The following DNAH14 variants were observed in gnomAD, a reference collection of about 807,000 sequenced individuals.
The protein encoded by DNAH14 is axonemal beta dynein heavy chain 14.
In DNAH14, 478 loss-of-function variants were observed where a neutral mutation model predicts 520.9. The observed-to-expected ratio is 0.92, with a 90% confidence interval of 0.85 to 0.99. The LOEUF is 0.99. Among genes scored for constraint, DNAH14 ranks in the 50% least tolerant of loss-of-function variants. DNAH14 has a pLI of 0.00. For missense variants in DNAH14, 4,831 were observed against 5,234.5 expected (o/e 0.92, Z 2.38); for synonymous variants, 1,581 against 1,757.2 (o/e 0.90, Z 2.51).
intron 11 of DNAH14, among the ~76,000 whole-genome samples, chr1:225,034,890 G>A (rs1393829234): frequency 6.6e-6 from 1 of 152,004 alleles, no homozygotes; most frequent in Non-Finnish European, 1.5e-5. Context: ...TCTGATGGTT[G>A]TTTTTATTTC....
At chr1:225,205,368 A>G (rs989366529) in intron 39 of DNAH14, among the ~76,000 whole-genome samples, 3 of 152,160 alleles carry the variant, frequency 2.0e-5, no homozygotes, top group African/African-American at 4.8e-5. Context: ...CCATCTGTCA[A>G]CCACGAAGAT....
chr1:225,157,240 G>A (rs2081132698), intron 34 of DNAH14, among the ~76,000 whole-genome samples: 4 of 152,012 alleles, frequency 2.6e-5, no homozygotes, highest in Admixed American at 2.6e-4. Flanking sequence ...GATTTTCTTG[G>A]CAACATCTAG....
intron 74 of DNAH14, 64 bp downstream of exon 74, chr1:225,358,716 T>G: frequency 1.4e-6 from 2 of 1,470,562 alleles, no homozygotes; most frequent in South Asian, 2.7e-5. Context: ...CACCCAAATC[T>G]TACCTTGAAT....
chr1:225,125,304 C>T (rs1050833662), intron 27 of DNAH14, among the ~76,000 whole-genome samples: 1 of 152,202 alleles, frequency 6.6e-6, no homozygotes, highest in African/African-American at 2.4e-5. Flanking sequence ...ATTGACTTCT[C>T]TCCAACTACA....
chr1:225,335,276 T>G (rs59360310), intron 66 of DNAH14, among the ~76,000 whole-genome samples: 1 of 91,966 alleles, frequency 1.1e-5, no homozygotes, highest in Non-Finnish European at 2.3e-5. Flanking sequence ...ACGTGTACAT[T>G]GTGTGTATAT....
intron 42 of DNAH14, among the ~76,000 whole-genome samples, chr1:225,236,385 G>A (rs1386891435): frequency 1.3e-5 from 2 of 152,178 alleles, no homozygotes; most frequent in Non-Finnish European, 2.9e-5. Context: ...GCTGTCATCT[G>A]AGAGACTGTT....
At position 224,952,775 on chromosome 1, in the gene DNAH14, C is replaced by G; in HGVS notation, c.73C>G (p.Pro25Ala). Residue 25 changes from proline to alanine, a missense_variant, in exon 2 of 86, where the codon CCA becomes GCA. Physicochemically the swap from Pro to Ala is conservative, Grantham distance 27. Coordinates refer to ENST00000682510, the MANE Select transcript of DNAH14 (RefSeq NM_001367479.1). ...EMDKEETKTK[P>A]RLLRYEEKKY... ...GGACAAGGAGGAAACCAAGACAAAA[C>G]CAAGGTAAAAGTAAGATAAAATATA... 2 of 1,592,580 alleles carry G rather than the reference C, an allele frequency of 1.3e-6. No individual in the cohort carries two copies. Among genetic ancestry groups the G allele is most frequent in the Non-Finnish European group, 1.7e-6 (2 of 1,168,618 alleles).
At position 225,207,123 on chromosome 1, in the gene DNAH14, G is replaced by A. The variant is rs1378006007; in HGVS notation, c.6342G>A (p.Gln2114=). ...TTATAAGGAATCGTCAGAAATTTCA[G>A]CCATATCCTATGGAGGACATAACAG... ...LQFIRNRQKF[Q]PYPMEDITVV... The change falls in exon 41 of 86, where the codon CAG becomes CAA. Residue 2114 remains glutamine, a synonymous_variant. Transcript: ENST00000682510. The A allele has an allele frequency of 6.4e-7, 1 of 1,551,056 alleles. No individual in the cohort carries two copies. Among genetic ancestry groups the A allele is most frequent in the Non-Finnish European group, 8.7e-7 (1 of 1,146,630 alleles).
intron 77 of DNAH14, among the ~76,000 whole-genome samples, chr1:225,373,567 A>G (rs1045825166): frequency 2.6e-5 from 4 of 152,034 alleles, no homozygotes; most frequent in Non-Finnish European, 4.4e-5. Flanking sequence ...GGAGAGGAGA[A>G]GCGAAGGAAG....
chr1:225,213,871 C>A (rs1160926112), intron 41 of DNAH14, among the ~76,000 whole-genome samples: 1 of 152,154 alleles, frequency 6.6e-6, no homozygotes, highest in African/African-American at 2.4e-5. Flanking sequence ...AATTTGACTT[C>A]CTCTTTTCCT....
intron 31 of DNAH14, 93 bp downstream of exon 31, chr1:225,147,342 G>A: frequency 2.3e-6 from 3 of 1,292,114 alleles, no homozygotes; most frequent in African/African-American, 1.5e-5. Flanking sequence ...CCCAATAAGT[G>A]TTTAGGTCTT....
chr1:225,050,054 A>G (rs889753555), intron 15 of DNAH14, among the ~76,000 whole-genome samples, 156 bp from the exon 16 acceptor site: 2 of 152,140 alleles, frequency 1.3e-5, no homozygotes, highest in African/African-American at 4.8e-5. Context: ...AAATCCTTAC[A>G]CCTATTTTTA....
intron 60 of DNAH14, among the ~76,000 whole-genome samples, chr1:225,312,261 A>G (rs114677836): frequency 0.041 from 6,287 of 151,992 alleles, 186 homozygotes; most frequent in Middle Eastern, 0.075. Context: ...TATTATTAGT[A>G]TATATGAATG....
At chr1:224,993,612 T>C (rs1299362624) in intron 8 of DNAH14, among the ~76,000 whole-genome samples, 1 of 151,958 alleles carries the variant, frequency 6.6e-6, no homozygotes, top group African/African-American at 2.4e-5. Flanking sequence ...TTGTCAATTT[T>C]ATCTTTAAAA....
chr1:225,257,545 CTT>C (rs980562680), intron 44 of DNAH14, among the ~76,000 whole-genome samples: 1 of 144,324 alleles, frequency 6.9e-6, no homozygotes. Flanking sequence ...TTTTTTCTTT[CTT>C]TTTTTTTTTT....
At chr1:225,206,943 A>T (rs1466468) in intron 40 of DNAH14, 25 bp from the exon 41 acceptor site, 170,589 of 1,440,626 alleles carry the variant, frequency 0.12, 11,177 homozygotes, top group East Asian at 0.3. Flanking sequence ...TTTACATAAG[A>T]TTATATTTTG....
chr1:225,238,691 G>A (rs1215922022), intron 42 of DNAH14, among the ~76,000 whole-genome samples: 2 of 152,106 alleles, frequency 1.3e-5, no homozygotes, highest in Non-Finnish European at 2.9e-5. Context: ...AGACCACCTG[G>A]ACTCTCCATA....
At chr1:225,093,320 G>C (rs1405853739) in intron 21 of DNAH14, among the ~76,000 whole-genome samples, 2 of 151,988 alleles carry the variant, frequency 1.3e-5, no homozygotes, top group Admixed American at 1.3e-4. Flanking sequence ...ATGCAAAGTT[G>C]GTTCAACATA....
intron 17 of DNAH14, 75 bp from the exon 18 acceptor site, chr1:225,079,132 A>C: frequency 7.7e-7 from 1 of 1,303,998 alleles, no homozygotes. Context: ...TAAGTCAGAG[A>C]AATTAAAAAG....
Sources: allele counts gnomAD v4.1 joint callset (sites outside exome capture counted in the v4.1 genomes callset), GRCh38; gene constraint gnomAD v4.1.1; transcripts MANE v1.5; gene names NCBI Gene and HGNC (gene_info 2026-07-23, HGNC 2026-07-21).